Variants in PRORP observed in about 807,000 individuals in gnomAD.
PRORP encodes protein only RNase P catalytic subunit, also known as mitochondrial ribonuclease P catalytic subunit.
In PRORP, 51 loss-of-function variants were observed where a neutral mutation model predicts 59.4. The observed-to-expected ratio is 0.86, with a 90% CI of 0.69 to 1.08. The LOEUF is 1.08. Ranked by LOEUF, PRORP falls within the 50% of genes least tolerant of loss-of-function variation. The pLI is 0.00. For missense variants in PRORP, 646 were observed against 690.3 expected (o/e 0.94, Z 0.72); for synonymous variants, 231 against 245.6 (o/e 0.94, Z 0.55).
At position 35,224,427 on chromosome 14, in the gene PRORP, C is replaced by A. The variant is rs549141149; in HGVS notation, c.1276-42300C>A. ...ACTCATAGCAAGTGGAATCTCCTAT[C>A]AGATGGGAACTACTACCAGTTCCCA... On this transcript the variant is annotated intron_variant, in intron 5 of 7. Transcript: ENST00000534898. Among the ~76,000 whole-genome samples, 13 of 152,234 alleles carry A rather than the reference C, an allele frequency of 8.5e-5. No homozygotes were observed. The East Asian group carries it at 1.7e-3, about 20-fold the overall frequency.
chr14:35,241,022 C>G (rs1368791416), intron 5 of PRORP, among the ~76,000 whole-genome samples: 2 of 152,162 alleles, frequency 1.3e-5, no homozygotes, highest in Non-Finnish European at 2.9e-5. Context: ...AGTATAACAA[C>G]TACTTACATA....
chr14:35,148,427 G>A (rs1283523685), intron 4 of PRORP, among the ~76,000 whole-genome samples: 1 of 151,784 alleles, frequency 6.6e-6, no homozygotes, highest in East Asian at 1.9e-4. Context: ...TCTTTTTTTT[G>A]GAGCAGTAGG....
intron 5 of PRORP, chr14:35,235,250 A>C: frequency 4.2e-6 from 3 of 719,624 alleles, no homozygotes; most frequent in Non-Finnish European, 7.5e-6. Context: ...CTTGGGACCC[A>C]GGACATTGCC....
intron 5 of PRORP, among the ~76,000 whole-genome samples, chr14:35,193,952 G>A (rs551345647): frequency 2.0e-5 from 3 of 152,042 alleles, no homozygotes; most frequent in Non-Finnish European, 4.4e-5. Context: ...AGAACATACT[G>A]TCTTCATGTC....
chr14:35,223,067 A>G (rs1049748715), intron 5 of PRORP, among the ~76,000 whole-genome samples: 1 of 152,192 alleles, frequency 6.6e-6, no homozygotes, highest in Non-Finnish European at 1.5e-5. Flanking sequence ...CACCGAAGCT[A>G]ACTAGCATAC....
At chr14:35,176,464 G>C (rs769341816) in intron 4 of PRORP, among the ~76,000 whole-genome samples, 4 of 152,126 alleles carry the variant, frequency 2.6e-5, no homozygotes, top group African/African-American at 9.7e-5. Flanking sequence ...CACATCCCTT[G>C]TAAGTTGGAT....
intron 6 of PRORP, among the ~76,000 whole-genome samples, chr14:35,267,485 C>T (rs1160291556): frequency 1.3e-5 from 2 of 152,000 alleles, no homozygotes; most frequent in African/African-American, 2.4e-5. Context: ...CCAAATAATA[C>T]GAAATATTTA....
At chr14:35,138,194 C>A (rs74470769) in intron 4 of PRORP, among the ~76,000 whole-genome samples, 1,975 of 145,134 alleles carry the variant, frequency 0.014, 123 homozygotes, top group African/African-American at 0.042. Context: ...CAAATTTCCT[C>A]TTATAAGGAC....
intron 4 of PRORP, among the ~76,000 whole-genome samples, chr14:35,171,424 A>G (rs569572137): frequency 6.6e-6 from 1 of 152,170 alleles, no homozygotes; most frequent in Admixed American, 6.5e-5. Context: ...GATTGAAAGC[A>G]GTTTTTTGTT....
intron 5 of PRORP, among the ~76,000 whole-genome samples, chr14:35,219,990 G>A (rs2049729491): frequency 6.6e-6 from 1 of 152,200 alleles, no homozygotes; most frequent in African/African-American, 2.4e-5. Flanking sequence ...TTCTCTGTGT[G>A]TTGTCTCTTT....
At chr14:35,226,061 A>G (rs878933703) in intron 5 of PRORP, among the ~76,000 whole-genome samples, 1 of 152,166 alleles carries the variant, frequency 6.6e-6, no homozygotes, top group Admixed American at 6.5e-5. Context: ...ATATTTTACT[A>G]TAGTTGGTAT....
chr14:35,266,497 G>T (rs992620632), intron 5 of PRORP, among the ~76,000 whole-genome samples: 8 of 150,748 alleles, frequency 5.3e-5, no homozygotes, highest in Non-Finnish European at 1.2e-4. Flanking sequence ...CAAAAATAAA[G>T]AAACCCCCCC....
chr14:35,173,046 T>G (rs979028876), intron 4 of PRORP, among the ~76,000 whole-genome samples: 1 of 152,090 alleles, frequency 6.6e-6, no homozygotes, highest in African/African-American at 2.4e-5. Flanking sequence ...TTTTATATTT[T>G]TAGTAGAGAT....
chr14:35,151,934 C>CT lies in PRORP; in HGVS notation c.1167+24340dup, dbSNP rs11342103. Among the ~76,000 whole-genome samples the CT allele has an allele frequency of 3.1e-3, 386 of 124,826 alleles. 5 individuals are homozygous for CT. The highest frequency in any genetic ancestry group is 9.1e-3 in the African/African-American group (308 of 33,692). 81.9% of individuals were successfully genotyped at this position (124,826 alleles called of 152,430 possible). ...TCTTCTTTTTTTTTTGTTAATCCAT[C>CT]TTTTTTTTTTTTTTTTTATTGATCA... On this transcript the variant is annotated intron_variant, in intron 4 of 7. Transcript: ENST00000534898.
chr14:35,153,401 C>G (rs967113188), intron 4 of PRORP, among the ~76,000 whole-genome samples: 1 of 63,300 alleles, frequency 1.6e-5, no homozygotes, highest in African/African-American at 5.0e-5. Flanking sequence ...AGAGGGAGAC[C>G]GTGGGGAGAG....
At position 35,276,838 on chromosome 14, in the gene PRORP, CCTG is replaced by C. The variant is rs981823932; in HGVS notation, c.*3276_*3278del. 1.3e-5 allele frequency: 2 copies of C among 152,138 alleles called. No individual in the cohort carries two copies. Among genetic ancestry groups the C allele is most frequent in the Non-Finnish European group, 2.9e-5 (2 of 68,034 alleles). 9.4% of individuals were successfully genotyped at this position (152,138 alleles called of 1,614,324 possible). On this transcript the variant is annotated 3_prime_UTR_variant, in exon 8 of 8. Transcript: ENST00000534898. The stretch of plus-strand genomic sequence containing the variant: ...CATTCTGAATTTATACACTTTTCCT[CCTG>C]CTGTTCTCAGACCCAGTGGAAAGAA...
chr14:35,194,166 A>G (rs1347983884), intron 5 of PRORP, among the ~76,000 whole-genome samples: 1 of 152,146 alleles, frequency 6.6e-6, no homozygotes, highest in Non-Finnish European at 1.5e-5. Flanking sequence ...AAAGTCCTTC[A>G]CTTCCCTTGT....
intron 5 of PRORP, among the ~76,000 whole-genome samples, chr14:35,243,386 A>T (rs539949717): frequency 3.3e-5 from 5 of 151,912 alleles, no homozygotes; most frequent in Admixed American, 2.0e-4. Context: ...AAATACAAAA[A>T]TTAGCTAGGT....
chr14:35,144,205 A>T (rs1324809960), intron 4 of PRORP: 1 of 149,996 alleles, frequency 6.7e-6, no homozygotes. Context: ...GTGAACACAG[A>T]TGTGGTATTG....
Sources: gnomAD v4.1 joint callset for allele counts (sites outside exome capture counted in the v4.1 genomes callset) on GRCh38, gnomAD v4.1.1 for gene constraint, MANE v1.5 for transcripts, NCBI Gene and HGNC (gene_info 2026-07-23, HGNC 2026-07-21) for gene names.